Variants in SV2C observed in about 807,000 individuals in gnomAD.
SV2C encodes synaptic vesicle glycoprotein 2C.
SV2C carries 49 observed loss-of-function variants against 79.7 expected under a neutral mutation model. The ratio of observed to expected loss-of-function variants is 0.61; its 90% CI spans 0.49 to 0.78. The LOEUF (loss-of-function observed/expected upper bound fraction) is 0.78. SV2C is among the 30% of genes least tolerant of loss of function. The pLI is 0.00. For missense variants in SV2C, 833 were observed against 912.9 expected, an observed-to-expected ratio of 0.91 and a Z score of 1.13; for synonymous variants, 334 against 333.2, an observed-to-expected ratio of 1.00 and a Z score of -0.03.
At chr5:76,017,143 T>C in the SV2C span, among the ~76,000 whole-genome samples, 3 of 152,234 alleles carry the variant, frequency 2.0e-5, no homozygotes, top group Non-Finnish European at 1.5e-5. Flanking sequence ...ACTCAAGACT[T>C]CATCAGCTCT....
At chr5:75,937,294 C>T in the SV2C span, among the ~76,000 whole-genome samples, 2 of 152,146 alleles carry the variant, frequency 1.3e-5, no homozygotes. Flanking sequence ...ATCCATTTTG[C>T]TTTCAATCTT....
Position 76,300,714 on chromosome 5 carries a change from T to C in SV2C, c.1637-15T>C, listed in dbSNP as rs1747961145. 6.2e-7 allele frequency: 1 copy of C among 1,612,778 alleles called. No homozygotes were observed. Among genetic ancestry groups the C allele is most frequent in the African/African-American group, 1.3e-5 (1 of 74,884 alleles). Reference sequence around the variant, plus strand: ...GTAAGAGCTTGATGAATTGTCTTTGTTGTTGTTTCTACAGATTTTGAGCCA... The same window carrying C: ...GTAAGAGCTTGATGAATTGTCTTTGCTGTTGTTTCTACAGATTTTGAGCCA... On this transcript the variant is annotated splice_polypyrimidine_tract_variant and intron_variant, in intron 10 of 12. Transcript: ENST00000502798.
At chr5:76,178,366 A>G (rs1179508422) in intron 2 of SV2C, among the ~76,000 whole-genome samples, 1 of 152,222 alleles carries the variant, frequency 6.6e-6, no homozygotes, top group Non-Finnish European at 1.5e-5. Context: ...CCATTCTATT[A>G]CATGTTAGAG....
At chr5:76,178,931 C>G (rs1480292537) in intron 2 of SV2C, among the ~76,000 whole-genome samples, 1 of 152,206 alleles carries the variant, frequency 6.6e-6, no homozygotes, top group Non-Finnish European at 1.5e-5. Context: ...GTTCAACCTT[C>G]TAAATTAAAT....
chr5:76,160,565 C>T (rs1029859882), intron 2 of SV2C, among the ~76,000 whole-genome samples: 3 of 152,162 alleles, frequency 2.0e-5, no homozygotes, highest in African/African-American at 7.2e-5. Flanking sequence ...AAACTGAAAC[C>T]TTGTGTGCTT....
chr5:76,219,937 G>T (rs544044223), intron 4 of SV2C, among the ~76,000 whole-genome samples: 51 of 152,298 alleles, frequency 3.3e-4, no homozygotes, highest in Admixed American at 2.9e-3. Flanking sequence ...CATTGTACCA[G>T]GTAGGTTATC....
At chr5:76,116,178 T>C (rs952382912) in intron 1 of SV2C, among the ~76,000 whole-genome samples, 7 of 152,196 alleles carry the variant, frequency 4.6e-5, no homozygotes, top group Non-Finnish European at 2.9e-5. Context: ...ATTTCCACCA[T>C]TGTGAATGTT....
At chr5:76,100,956 A>G (rs979568341) in intron 1 of SV2C, among the ~76,000 whole-genome samples, 4 of 152,178 alleles carry the variant, frequency 2.6e-5, no homozygotes, top group African/African-American at 7.2e-5. Flanking sequence ...CACGTCCCCA[A>G]GGCTGGGGGT....
the SV2C span, among the ~76,000 whole-genome samples, chr5:75,941,051 T>C: frequency 6.6e-6 from 1 of 152,234 alleles, no homozygotes; most frequent in African/African-American, 2.4e-5. Context: ...CAATGGCTTT[T>C]TCTTGGAATT....
At chr5:76,140,503 T>C (rs923524225) in intron 2 of SV2C, among the ~76,000 whole-genome samples, 1 of 152,154 alleles carries the variant, frequency 6.6e-6, no homozygotes, top group Non-Finnish European at 1.5e-5. Context: ...GCTTCAAGTT[T>C]CTAAGATTCC....
At chr5:76,289,927 C>T (rs527782918) in intron 6 of SV2C, among the ~76,000 whole-genome samples, 15 of 151,784 alleles carry the variant, frequency 9.9e-5, no homozygotes, top group South Asian at 2.1e-4. Flanking sequence ...TACTTTTTTT[C>T]GTTTTGTATG....
chr5:76,226,713 C>T (rs919714362), intron 4 of SV2C, among the ~76,000 whole-genome samples: 2 of 152,296 alleles, frequency 1.3e-5, no homozygotes, highest in African/African-American at 4.8e-5. Context: ...CCTAACAGAA[C>T]ACACGTGCAG....
chr5:76,085,106 T>A (rs1747139045), intron 1 of SV2C, among the ~76,000 whole-genome samples: 1 of 152,210 alleles, frequency 6.6e-6, no homozygotes, highest in African/African-American at 2.4e-5. Context: ...TATCCTTAAT[T>A]CTGAAGAATG....
At chr5:76,250,231 C>T (rs2112437479) in intron 4 of SV2C, among the ~76,000 whole-genome samples, 1 of 152,146 alleles carries the variant, frequency 6.6e-6, no homozygotes, top group East Asian at 1.9e-4. Flanking sequence ...AAGAAAAGTT[C>T]AAACCTAACT....
chr5:76,341,952 T>C (rs1317471916), intron 12 of SV2C, among the ~76,000 whole-genome samples: 3 of 152,184 alleles, frequency 2.0e-5, no homozygotes, highest in African/African-American at 7.2e-5. Flanking sequence ...ATCATAGGCA[T>C]GCATAGCAGG....
At chr5:76,149,220 C>T (rs575002170) in intron 2 of SV2C, among the ~76,000 whole-genome samples, 1 of 152,292 alleles carries the variant, frequency 6.6e-6, no homozygotes, top group South Asian at 2.1e-4. Flanking sequence ...CCTTCTGAAT[C>T]AGTGCTAGGT....
intron 2 of SV2C, among the ~76,000 whole-genome samples, chr5:76,149,282 T>C (rs1430828972): frequency 1.3e-5 from 2 of 152,240 alleles, no homozygotes; most frequent in African/African-American, 2.4e-5. Context: ...AAGTGATTCC[T>C]ATTCAAAGGG....
At chr5:76,063,159 T>C in the SV2C span, among the ~76,000 whole-genome samples, 24 of 152,164 alleles carry the variant, frequency 1.6e-4, no homozygotes, top group Non-Finnish European at 3.4e-4. Flanking sequence ...GTCCCCTTCA[T>C]TGGACTCCTC....
At chr5:76,133,725 G>T (rs1748980648) in intron 2 of SV2C, among the ~76,000 whole-genome samples, 2 of 152,116 alleles carry the variant, frequency 1.3e-5, no homozygotes, top group Admixed American at 1.3e-4. Flanking sequence ...GAGGGTCCTT[G>T]GTCATTTGTC....
Sources: gnomAD v4.1 joint callset for allele counts (sites outside exome capture counted in the v4.1 genomes callset) on GRCh38, gnomAD v4.1.1 for gene constraint, MANE v1.5 for transcripts, NCBI Gene and HGNC (gene_info 2026-07-23, HGNC 2026-07-21) for gene names.